The following LMO7 variants were observed in gnomAD, a reference collection of about 807,000 sequenced individuals.
LMO7 encodes the protein LIM domain 7, also known as LIM domain only protein 7.
LMO7 carries 120 observed loss-of-function variants against 206.5 expected under a neutral mutation model. The ratio of observed to expected loss-of-function variants is 0.58; its 90% confidence interval spans 0.50 to 0.68. The LOEUF (loss-of-function observed/expected upper bound fraction) is 0.68, where lower values mean the gene tolerates loss of function less well. LMO7 is among the 30% of genes least tolerant of loss of function. The probability of loss-of-function intolerance (pLI) is 0.00; values close to 1 mark genes in which losing one functional copy is unlikely to be tolerated. For missense variants in LMO7, 1,959 were observed against 1,957.9 expected, an observed-to-expected ratio of 1.00 and a Z score of -0.01; for synonymous variants, 706 against 681.5, an observed-to-expected ratio of 1.04 and a Z score of -0.56.
chr13:75,820,388 G>T (rs1385263948), intron 13 of LMO7, among the ~76,000 whole-genome samples: 1 of 152,186 alleles, frequency 6.6e-6, no homozygotes, highest in African/African-American at 2.4e-5. Flanking sequence ...CTCCACAAAA[G>T]CCTGAGTCTT....
intron 19 of LMO7, among the ~76,000 whole-genome samples, chr13:75,836,727 T>C (rs1406869559): frequency 6.6e-6 from 1 of 152,192 alleles, no homozygotes; most frequent in Non-Finnish European, 1.5e-5. Flanking sequence ...GAAAGACTGG[T>C]TCTTCCTGAG....
chr13:75,807,242 T>G (rs1024635070), intron 9 of LMO7: 1 of 475,448 alleles, frequency 2.1e-6, no homozygotes, highest in Admixed American at 3.4e-5. Flanking sequence ...TGCCCAACTT[T>G]CCTGAGAAGT....
In LMO7 at chr13:75,819,553, A is replaced by T. The variant is rs1437503181; in HGVS notation, c.2207+18A>T. 4 of 1,556,610 alleles carry T rather than the reference A, an allele frequency of 2.6e-6. No homozygotes were observed. The highest frequency in any genetic ancestry group is 2.1e-5 in the Admixed American group (1 of 47,042). On this transcript the variant is annotated intron_variant, in intron 13 of 30. Coordinates refer to ENST00000377534, the MANE Select transcript of LMO7 (RefSeq NM_001306080.2). ...CAGGACAGGTAATAATGCTGAATGC[A>T]CCTCGGTTGTAACAGGGTTGGAGAT...
In LMO7 at chr13:75,821,307, G is replaced by T; in HGVS notation, c.2338G>T (p.Glu780Ter). Residue 780 changes from glutamate to a stop codon, truncating the protein, a stop_gained, in exon 14 of 31, where the codon GAA becomes TAA. Coordinates refer to ENST00000377534, the MANE Select transcript of LMO7 (RefSeq NM_001306080.2). LOFTEE classifies it high-confidence loss of function. ...AGCAAGTTACCAGAGTGAGAGAGTA[G>T]AAGAGAAGGGAGCAACTTATCCTTC... The part of the protein sequence containing the change: ...SEASYQSERV[E>*]EKGATYPSEI... 1 of 1,614,180 alleles carries T rather than the reference G, an allele frequency of 6.2e-7. No homozygotes were observed. The highest frequency in any genetic ancestry group is 8.5e-7 in the Non-Finnish European group (1 of 1,180,012).
intron 3 of LMO7, among the ~76,000 whole-genome samples, chr13:75,733,759 G>A (rs984508093): frequency 6.6e-6 from 1 of 152,104 alleles, no homozygotes; most frequent in African/African-American, 2.4e-5. Flanking sequence ...GTTCCTATTC[G>A]GCCATCTTGG....
chr13:75,661,844 C>G (rs1259267734), intron 1 of LMO7, among the ~76,000 whole-genome samples: 3 of 152,144 alleles, frequency 2.0e-5, no homozygotes, highest in Non-Finnish European at 4.4e-5. Flanking sequence ...AACCATTCTC[C>G]CACATTATCA....
chr13:75,733,830 C>T (rs958781127), intron 3 of LMO7, among the ~76,000 whole-genome samples: 1 of 152,192 alleles, frequency 6.6e-6, no homozygotes, highest in Non-Finnish European at 1.5e-5. Flanking sequence ...CCTCAAACTT[C>T]ATATGTTTCC....
intron 1 of LMO7, among the ~76,000 whole-genome samples, chr13:75,684,957 C>T (rs893353444): frequency 3.3e-5 from 5 of 152,110 alleles, no homozygotes; most frequent in African/African-American, 1.2e-4. Flanking sequence ...ATAATTGTAG[C>T]GGCCCCTTTA....
chr13:75,731,758 C>T (rs867730579), intron 3 of LMO7, among the ~76,000 whole-genome samples: 39 of 152,060 alleles, frequency 2.6e-4, no homozygotes, highest in Middle Eastern at 6.8e-3. Flanking sequence ...GATTTTGTGG[C>T]GGCTGGTATC....
At position 75,739,043 on chromosome 13, in the gene LMO7, A is replaced by G. The variant is rs201090845; in HGVS notation, c.210+11945A>G. 1.2e-4 allele frequency among the ~76,000 whole-genome samples: 19 copies of G among 152,268 alleles called. No individual in the cohort carries two copies. The East Asian group carries it at 3.5e-3, about 28-fold the overall frequency. ...TCTACTCACTAGATGCCATTCCCCCATTTGTGACAGTTAAAAATATCTCTT... is the reference window on the plus strand; with the variant it reads ...TCTACTCACTAGATGCCATTCCCCCGTTTGTGACAGTTAAAAATATCTCTT... On this transcript the variant is annotated intron_variant, in intron 3 of 30. Transcript: ENST00000377534.
chr13:75,804,221 G>T, intron 7 of LMO7, 68 bp from the exon 8 acceptor site: 1 of 1,492,726 alleles, frequency 6.7e-7, no homozygotes, highest in Non-Finnish European at 9.1e-7. Flanking sequence ...CAAAGCAGGC[G>T]CGCTGTGTGG....
intron 1 of LMO7, among the ~76,000 whole-genome samples, chr13:75,681,353 G>GCTA (rs928476810): frequency 1.2e-4 from 18 of 152,028 alleles, no homozygotes; most frequent in African/African-American, 4.3e-4. Flanking sequence ...AAGTTTATGA[G>GCTA]CTACTATCCT....
At chr13:75,803,464 G>T (rs1052580762) in intron 7 of LMO7, among the ~76,000 whole-genome samples, 5 of 152,186 alleles carry the variant, frequency 3.3e-5, no homozygotes, top group African/African-American at 1.2e-4. Flanking sequence ...GTGTGAAAGA[G>T]GGACAGCTTG....
chr13:75,736,246 G>A (rs1005236219), intron 3 of LMO7, among the ~76,000 whole-genome samples: 1 of 152,210 alleles, frequency 6.6e-6, no homozygotes, highest in African/African-American at 2.4e-5. Flanking sequence ...AGGACACTGA[G>A]CATTTTCAAT....
chr13:75,735,553 C>T (rs1306558406), intron 3 of LMO7, among the ~76,000 whole-genome samples: 1 of 152,006 alleles, frequency 6.6e-6, no homozygotes, highest in Non-Finnish European at 1.5e-5. Context: ...ACTCCGCCTT[C>T]TGGGTTGAAG....
intron 3 of LMO7, among the ~76,000 whole-genome samples, chr13:75,755,050 A>G (rs2047570284): frequency 6.6e-6 from 1 of 152,174 alleles, no homozygotes; most frequent in South Asian, 2.1e-4. Flanking sequence ...CTTTTCCCTC[A>G]AGGGATGAGG....
chr13:75,834,529 A>G, intron 17 of LMO7, 142 bp downstream of exon 17: 1 of 568,002 alleles, frequency 1.8e-6, no homozygotes, highest in Non-Finnish European at 3.0e-6. Flanking sequence ...CGTCATGACA[A>G]ATCTTGAACC....
At position 75,823,623 on chromosome 13, in the gene LMO7, A is replaced by G. The variant is rs918189896; in HGVS notation, c.2699A>G (p.Asn900Ser). The part of the protein sequence containing the change: ...DVEDIKRTPN[N>S]VVSTPAPSPD... ...GAAGACATTAAGAGAACTCCAAACAATGTGGTCAGCACCCCTGCACCAAGC... is the reference window on the plus strand; with the variant it reads ...GAAGACATTAAGAGAACTCCAAACAGTGTGGTCAGCACCCCTGCACCAAGC... The change falls in exon 15 of 31, where the codon AAT becomes AGT. Residue 900 changes from asparagine (N) to serine (S), a missense_variant. By Grantham distance (46) the Asn-to-Ser change is conservative. Transcript: ENST00000377534. 9 of 1,614,024 alleles carry G rather than the reference A, an allele frequency of 5.6e-6. No homozygotes were observed. The highest frequency in any genetic ancestry group is 1.1e-5 in the South Asian group (1 of 91,088).
At chr13:75,688,013 AG>A (rs931099896) in intron 1 of LMO7, among the ~76,000 whole-genome samples, 1 of 152,142 alleles carries the variant, frequency 6.6e-6, no homozygotes, top group African/African-American at 2.4e-5. Flanking sequence ...GGTTTTATAA[AG>A]GGGAGTTCCC....
Sources: allele counts gnomAD v4.1 joint callset (sites outside exome capture counted in the v4.1 genomes callset), GRCh38; gene constraint gnomAD v4.1.1; transcripts MANE v1.5; gene names NCBI Gene and HGNC (gene_info 2026-07-23, HGNC 2026-07-21).